The following RAB7A variants were observed in gnomAD, a reference collection of about 807,000 sequenced individuals.
RAB7A encodes the protein RAB7A, member RAS oncogene family.
RAB7A carries 2 observed loss-of-function variants against 24.5 expected under a neutral mutation model. The observed-to-expected ratio is 0.08, with a 90% CI of 0.03 to 0.26. The LOEUF (loss-of-function observed/expected upper bound fraction) is 0.26, where lower values mean the gene tolerates loss of function less well. Among genes scored for constraint, RAB7A ranks in the 10% least tolerant of loss-of-function variants. The pLI, the probability that RAB7A is intolerant of heterozygous loss-of-function variation, is 1.00. For synonymous variants in RAB7A, 100 were observed against 95.9 expected, an observed-to-expected ratio of 1.04 and a Z score of -0.25; for missense variants, 118 against 255.7, an observed-to-expected ratio of 0.46 and a Z score of 3.67.
intron 5 of RAB7A, among the ~76,000 whole-genome samples, chr3:128,812,322 C>A (rs1576306321): frequency 2.0e-5 from 3 of 152,168 alleles, no homozygotes; most frequent in African/African-American, 7.2e-5. Flanking sequence ...ACCATGTTCG[C>A]CAGGCTGGTC....
At chr3:128,792,882 G>A (rs1051548993) in intron 1 of RAB7A, among the ~76,000 whole-genome samples, 4 of 149,144 alleles carry the variant, frequency 2.7e-5, no homozygotes, top group Non-Finnish European at 4.4e-5. Context: ...ACAGTGCCTC[G>A]CACTGTCACC....
chr3:128,792,647 A>G (rs981901270), intron 1 of RAB7A, among the ~76,000 whole-genome samples: 5 of 151,034 alleles, frequency 3.3e-5, no homozygotes, highest in Non-Finnish European at 5.9e-5. Context: ...ACCTCAAGTG[A>G]TCCACCTGCC....
intron 1 of RAB7A, chr3:128,748,542 C>T (rs1309415649): frequency 6.6e-6 from 1 of 152,284 alleles, no homozygotes; most frequent in African/African-American, 2.4e-5. Context: ...GTTTCCTATA[C>T]ACCAGGACTA....
chr3:128,809,934 G>GTTTTTTTTTTTTTTTTTTT (rs1231077081), intron 5 of RAB7A, among the ~76,000 whole-genome samples: 4 of 47,546 alleles, frequency 8.4e-5, no homozygotes, highest in Non-Finnish European at 1.2e-4. Context: ...TCTTGCCACA[G>GTTTTTTTTTTTTTTTTTTT]TCTTTTTTTT....
chr3:128,795,469 T>A, intron 2 of RAB7A, 49 bp downstream of exon 2: 8 of 1,504,696 alleles, frequency 5.3e-6, no homozygotes, highest in South Asian at 1.1e-5. Context: ...GAGCTAAGCC[T>A]CTCTGCTGTG....
intron 1 of RAB7A, among the ~76,000 whole-genome samples, chr3:128,793,659 G>A (rs924664069): frequency 2.6e-5 from 4 of 152,202 alleles, no homozygotes; most frequent in African/African-American, 9.7e-5. Flanking sequence ...GGTCCCTGGG[G>A]AGAAAGGTAG....
chr3:128,797,110 G>A (rs759130049), intron 2 of RAB7A, among the ~76,000 whole-genome samples: 1 of 152,142 alleles, frequency 6.6e-6, no homozygotes, highest in Non-Finnish European at 1.5e-5. Flanking sequence ...CCAAACTTGT[G>A]CAAAAAGTCT....
At position 128,813,603 on chromosome 3, in the gene RAB7A, G is replaced by GCACACACA; in HGVS notation, c.*190_*197dup. The stretch of plus-strand genomic sequence containing the variant: ...ATATCTCTCACACACACACACACAC[G>GCACACACA]CACACACACACACACAGATCTGACG... On this transcript the variant is annotated 3_prime_UTR_variant, in exon 6 of 6. Coordinates refer to ENST00000265062, the MANE Select transcript of RAB7A (RefSeq NM_004637.6). 1 of 512,742 alleles carries GCACACACA rather than the reference G, an allele frequency of 2.0e-6. No homozygotes were observed. Among genetic ancestry groups the GCACACACA allele is most frequent in the Non-Finnish European group, 3.7e-6 (1 of 269,110 alleles). The allele number at this position is 512,742 out of a possible 1,614,324, so 31.8% of individuals were successfully genotyped here. A position where few individuals can be genotyped will look rare whatever the true frequency, so the allele number is the denominator to read the frequency against.
chr3:128,807,548 C>A lies in RAB7A; in HGVS notation c.405C>A (p.Ala135=). 1 of 1,614,080 alleles carries A rather than the reference C, an allele frequency of 6.2e-7. No individual in the cohort carries two copies. Among genetic ancestry groups the A allele is most frequent in the East Asian group, 2.2e-5 (1 of 44,884 alleles). The change falls in exon 5 of 6, where the codon GCC becomes GCA. Residue 135 remains alanine, a synonymous_variant. Coordinates refer to ENST00000265062, the MANE Select transcript of RAB7A (RefSeq NM_004637.6). ...CACCCTGCTTCTTCTTTCAGGTGGC[C>A]ACAAAGCGGGCACAGGCCTGGTGCT... The part of the protein sequence containing the change: ...NKIDLENRQV[A]TKRAQAWCYS...
At chr3:128,803,758 T>G (rs1218204470) in intron 3 of RAB7A, among the ~76,000 whole-genome samples, 1 of 152,186 alleles carries the variant, frequency 6.6e-6, no homozygotes, top group Admixed American at 6.5e-5. Context: ...CTGTACAGGA[T>G]GATAATGTTT....
Position 128,813,611 on chromosome 3 carries a change from A to G in RAB7A, c.*189A>G, listed in dbSNP as rs11549750. On this transcript the variant is annotated 3_prime_UTR_variant, in exon 6 of 6. Transcript: ENST00000265062. ...CACACACACACACACACGCACACACACACACACAGATCTGACGTAATCAAA... is the reference window on the plus strand; with the variant it reads ...CACACACACACACACACGCACACACGCACACACAGATCTGACGTAATCAAA... The G allele has an allele frequency of 0.048, 29,416 of 611,090 alleles. 902 individuals are homozygous for G. Among genetic ancestry groups the G allele is most frequent in the Middle Eastern group, 0.093 (364 of 3,906 alleles). 37.9% of individuals were successfully genotyped at this position (611,090 alleles called of 1,614,324 possible).
chr3:128,812,343 G>GACTTCAGGTGGTCGACCT (rs1356622694), intron 5 of RAB7A, among the ~76,000 whole-genome samples: 3 of 152,196 alleles, frequency 2.0e-5, no homozygotes, highest in Admixed American at 6.5e-5. Context: ...TTGAACTCCT[G>GACTTCAGGTGGTCGACCT]ACTTCAGGTG....
intron 3 of RAB7A, among the ~76,000 whole-genome samples, chr3:128,805,035 G>A (rs1188807661): frequency 1.3e-5 from 2 of 152,174 alleles, no homozygotes; most frequent in African/African-American, 4.8e-5. Flanking sequence ...TGCAGTCTAG[G>A]ATTTCAGCTA....
intron 1 of RAB7A, among the ~76,000 whole-genome samples, chr3:128,744,404 C>T (rs2070587812): frequency 1.3e-5 from 2 of 152,196 alleles, no homozygotes; most frequent in Admixed American, 1.3e-4. Flanking sequence ...GGGACTGATC[C>T]ATTTGGGAGA....
intron 1 of RAB7A, among the ~76,000 whole-genome samples, chr3:128,795,062 G>A (rs1211284620): frequency 6.6e-6 from 1 of 152,132 alleles, no homozygotes; most frequent in African/African-American, 2.4e-5. Flanking sequence ...GTAAGTTGGA[G>A]CATTAGTTCA....
At chr3:128,764,855 A>G in intron 1 of RAB7A, 1 of 1,154,324 alleles carries the variant, frequency 8.7e-7, no homozygotes, top group Non-Finnish European at 1.3e-6. Context: ...TGAAGAAAGT[A>G]TGTGGCAAAG....
chr3:128,741,891 G>A (rs1247792617), intron 1 of RAB7A, among the ~76,000 whole-genome samples: 3 of 151,498 alleles, frequency 2.0e-5, no homozygotes, highest in African/African-American at 2.4e-5. Context: ...ATGACTCATC[G>A]ACTCATTGCA....
intron 1 of RAB7A, among the ~76,000 whole-genome samples, chr3:128,729,839 C>T (rs1289542143): frequency 2.6e-5 from 4 of 152,140 alleles, no homozygotes; most frequent in African/African-American, 9.7e-5. Context: ...GCAGGCTTTT[C>T]CTGGGGAGGT....
chr3:128,808,684 C>T (rs1049720184), intron 5 of RAB7A, among the ~76,000 whole-genome samples: 1 of 152,142 alleles, frequency 6.6e-6, no homozygotes, highest in African/African-American at 2.4e-5. Context: ...GTGATTAAGG[C>T]AGGTCACGAG....
Sources: allele counts gnomAD v4.1 joint callset (sites outside exome capture counted in the v4.1 genomes callset), GRCh38; gene constraint gnomAD v4.1.1; transcripts MANE v1.5; gene names NCBI Gene and HGNC (gene_info 2026-07-23, HGNC 2026-07-21).